Variants in EBF1 observed in about 807,000 individuals in gnomAD.
EBF1 encodes the protein transcription factor COE1.
In EBF1, 10 loss-of-function variants were observed where a neutral mutation model predicts 68.4. The observed-to-expected ratio is 0.15, with a 90% CI of 0.09 to 0.25. The LOEUF (loss-of-function observed/expected upper bound fraction) is 0.25, where lower values mean the gene tolerates loss of function less well. EBF1 is among the 10% of genes least tolerant of loss of function. EBF1 has a pLI of 1.00. For missense variants in EBF1, 509 were observed against 794.4 expected (o/e 0.64, Z 4.32); for synonymous variants, 298 against 299.8 (o/e 0.99, Z 0.06).
intron 11 of EBF1, among the ~76,000 whole-genome samples, chr5:158,718,536 T>G (rs1761242102): frequency 6.6e-6 from 1 of 152,160 alleles, no homozygotes; most frequent in Non-Finnish European, 1.5e-5. Flanking sequence ...TCTCATTTAT[T>G]GAAAGTGGAG....
At chr5:158,867,586 T>C (rs902537206) in intron 6 of EBF1, among the ~76,000 whole-genome samples, 2 of 152,130 alleles carry the variant, frequency 1.3e-5, no homozygotes, top group African/African-American at 4.8e-5. Context: ...GCCTGAGATT[T>C]CCTTGGGAAT....
chr5:158,916,566 A>C (rs1807232235), intron 6 of EBF1, among the ~76,000 whole-genome samples: 2 of 152,306 alleles, frequency 1.3e-5, no homozygotes, highest in South Asian at 4.1e-4. Context: ...GTAGGTGAAT[A>C]AACTAAGGCT....
chr5:159,071,913 C>T lies in EBF1; in HGVS notation c.554+1483G>A, dbSNP rs961840888. 4.6e-5 allele frequency among the ~76,000 whole-genome samples: 7 copies of T among 152,020 alleles called. No homozygotes were observed. In the South Asian group the frequency reaches 6.2e-4, roughly 14 times the overall value. ...TTTCAACAGAGGAGGAAGAAAAATG[C>T]TTAAAATAACAAATGATATTTTGGA... On this transcript the variant is annotated intron_variant, in intron 6 of 15. Coordinates refer to ENST00000313708, the MANE Select transcript of EBF1 (RefSeq NM_024007.5).
intron 9 of EBF1, among the ~76,000 whole-genome samples, chr5:158,782,208 C>T (rs1404374597): frequency 2.0e-5 from 3 of 152,148 alleles, no homozygotes; most frequent in Non-Finnish European, 4.4e-5. Flanking sequence ...TGAAAGTTGC[C>T]TGCATTTTTG....
intron 5 of EBF1, among the ~76,000 whole-genome samples, chr5:159,083,997 T>C (rs544939406): frequency 6.6e-6 from 1 of 152,216 alleles, no homozygotes; most frequent in Non-Finnish European, 1.5e-5. Flanking sequence ...CAAATGTAGC[T>C]TCAGTCTGAT....
At chr5:159,066,924 G>C (rs1389079914) in intron 6 of EBF1, among the ~76,000 whole-genome samples, 1 of 152,182 alleles carries the variant, frequency 6.6e-6, no homozygotes, top group Non-Finnish European at 1.5e-5. Flanking sequence ...GGTTTGTAAA[G>C]AGAGGAATGG....
At position 159,063,823 on chromosome 5, in the gene EBF1, G is replaced by A. The variant is rs987473357; in HGVS notation, c.554+9573C>T. 4.6e-5 allele frequency among the ~76,000 whole-genome samples: 7 copies of A among 152,216 alleles called. No homozygotes were observed. The South Asian group carries it at 8.3e-4, about 18-fold the overall frequency. On this transcript the variant is annotated intron_variant, in intron 6 of 15. Coordinates refer to ENST00000313708, the MANE Select transcript of EBF1 (RefSeq NM_024007.5). ...AATTGCAAGAGCTACCTGATTTTAA[G>A]CACCTGTTATGTGCCAAGCCCAGTG...
chr5:158,799,628 C>T (rs1048726485), intron 8 of EBF1, among the ~76,000 whole-genome samples: 31 of 152,104 alleles, frequency 2.0e-4, no homozygotes, highest in East Asian at 1.2e-3. Flanking sequence ...GACATACAAA[C>T]GAATGCAGCA....
At position 158,968,159 on chromosome 5, in the gene EBF1, C is replaced by A. The variant is rs1217239816; in HGVS notation, c.554+105237G>T. 2.0e-5 allele frequency among the ~76,000 whole-genome samples: 3 copies of A among 152,098 alleles called. No individual in the cohort carries two copies. The East Asian group carries it at 5.8e-4, about 29-fold the overall frequency. On this transcript the variant is annotated intron_variant, in intron 6 of 15. Transcript: ENST00000313708. ...ATTCATTTAATGCTTCCACTGAGATCCCAGTCCAAGAAGAGTTAATCAAGC... is the reference window on the plus strand; with the variant it reads ...ATTCATTTAATGCTTCCACTGAGATACCAGTCCAAGAAGAGTTAATCAAGC...
At chr5:158,708,772 A>G (rs997551670) in intron 14 of EBF1, among the ~76,000 whole-genome samples, 29 of 152,364 alleles carry the variant, frequency 1.9e-4, no homozygotes, top group Admixed American at 1.8e-3. Flanking sequence ...CCAGCTTGAG[A>G]GGATGGCCAC....
intron 11 of EBF1, among the ~76,000 whole-genome samples, chr5:158,716,936 T>C (rs1760860259): frequency 6.6e-6 from 1 of 152,230 alleles, no homozygotes; most frequent in Admixed American, 6.5e-5. Context: ...TGTTAACCTC[T>C]CATTTACTAC....
chr5:158,785,346 A>G (rs1777213903), intron 9 of EBF1, among the ~76,000 whole-genome samples: 1 of 152,224 alleles, frequency 6.6e-6, no homozygotes, highest in Non-Finnish European at 1.5e-5. Flanking sequence ...GGAAGCTGAA[A>G]TATGAAAAGT....
At chr5:158,765,401 G>A (rs1026823730) in intron 10 of EBF1, among the ~76,000 whole-genome samples, 3 of 152,008 alleles carry the variant, frequency 2.0e-5, no homozygotes, top group African/African-American at 7.3e-5. Flanking sequence ...TGTGTAGAAT[G>A]ACTGGGAAGG....
chr5:158,840,089 G>C lies in EBF1; in HGVS notation c.576C>G (p.Leu192=). ...TCTTTAGGCAATTTTGGTTACATTT[G>C]AGGAAAAATTTCAAGAAGAACCTGT... The part of the protein sequence containing the change: ...IIDRFFLKFF[L]KCNQNCLKNA... Residue 192 remains leucine (L), a synonymous_variant, in exon 7 of 16, where the codon CTC becomes CTG. Coordinates refer to ENST00000313708, the MANE Select transcript of EBF1 (RefSeq NM_024007.5). 1 of 1,613,986 alleles carries C rather than the reference G, an allele frequency of 6.2e-7. No homozygotes were observed. The highest frequency in any genetic ancestry group is 8.5e-7 in the Non-Finnish European group (1 of 1,179,892).
At chr5:158,727,965 G>T (rs771025120) in intron 11 of EBF1, among the ~76,000 whole-genome samples, 1 of 152,118 alleles carries the variant, frequency 6.6e-6, no homozygotes, top group Non-Finnish European at 1.5e-5. Flanking sequence ...CAAACACATG[G>T]GTTTAATAAA....
intron 6 of EBF1, among the ~76,000 whole-genome samples, chr5:158,965,786 T>C (rs1437314756): frequency 6.6e-6 from 1 of 152,248 alleles, no homozygotes; most frequent in Non-Finnish European, 1.5e-5. Flanking sequence ...CCCTACTTTA[T>C]GTTATGAGTA....
intron 10 of EBF1, among the ~76,000 whole-genome samples, chr5:158,760,448 A>ATT (rs1771167333): frequency 1.3e-5 from 2 of 152,202 alleles, no homozygotes; most frequent in Non-Finnish European, 2.9e-5. Flanking sequence ...AGGAATTGTC[A>ATT]TTAGCTACTA....
chr5:159,018,268 A>G (rs1233674758), intron 6 of EBF1, among the ~76,000 whole-genome samples: 2 of 152,242 alleles, frequency 1.3e-5, no homozygotes, highest in Non-Finnish European at 2.9e-5. Flanking sequence ...AACACTATCA[A>G]CACACCAACA....
At chr5:158,914,101 G>A (rs1317583016) in intron 6 of EBF1, among the ~76,000 whole-genome samples, 1 of 152,084 alleles carries the variant, frequency 6.6e-6, no homozygotes, top group Non-Finnish European at 1.5e-5. Flanking sequence ...GGAGAGCTGG[G>A]ACACACCAGC....
Sources: allele counts gnomAD v4.1 joint callset (sites outside exome capture counted in the v4.1 genomes callset), GRCh38; gene constraint gnomAD v4.1.1; transcripts MANE v1.5; gene names NCBI Gene and HGNC (gene_info 2026-07-23, HGNC 2026-07-21).